Variants in CSPP1 observed in about 807,000 individuals in gnomAD.
The protein encoded by CSPP1 is centrosome and spindle pole-associated protein 1.
CSPP1 carries 126 observed loss-of-function variants against 164.4 expected under a neutral mutation model. The ratio of observed to expected loss-of-function variants is 0.77; its 90% CI spans 0.66 to 0.89. CSPP1 has a LOEUF of 0.89. Ranked by LOEUF, CSPP1 falls within the 40% of genes least tolerant of loss-of-function variation. The pLI is 0.00. For missense variants in CSPP1, 1,395 were observed against 1,449.8 expected (o/e 0.96, Z 0.61); for synonymous variants, 472 against 476.7 (o/e 0.99, Z 0.13).
In CSPP1 at chr8:67,159,850, CTTTTTCTT is replaced by C. The variant is rs1318877630; in HGVS notation, c.2538+715_2538+722del. Among the ~76,000 whole-genome samples, 126 of 91,642 alleles carry C rather than the reference CTTTTTCTT, an allele frequency of 1.4e-3. 7 individuals are homozygous for C. The highest frequency in any genetic ancestry group is 8.4e-3 in the East Asian group (31 of 3,712). 60.1% of individuals were successfully genotyped at this position (91,642 alleles called of 152,430 possible). A position where few individuals can be genotyped will look rare whatever the true frequency, so the allele number is the denominator to read the frequency against. ...TCTCTCTTTCTTTCTTTCTTTCTTT[CTTTTTCTT>C]TCTTTCTTTCTTTCTTTCTTTCTTT... On this transcript the variant is annotated intron_variant, in intron 21 of 30. Coordinates refer to ENST00000678616, the MANE Select transcript of CSPP1 (RefSeq NM_001382391.1).
intron 24 of CSPP1, among the ~76,000 whole-genome samples, chr8:67,169,717 G>T (rs1057305727): frequency 1.3e-5 from 2 of 151,998 alleles, no homozygotes; most frequent in African/African-American, 4.8e-5. Context: ...TGGGATTACA[G>T]GTGTGAGCCA....
chr8:67,126,366 T>C (rs1412986168), intron 15 of CSPP1, among the ~76,000 whole-genome samples: 1 of 152,226 alleles, frequency 6.6e-6, no homozygotes, highest in Non-Finnish European at 1.5e-5. Context: ...AATTAGATTC[T>C]CCTCCTCCTT....
intron 1 of CSPP1, chr8:67,065,071 G>C (rs1432957132): frequency 6.5e-6 from 1 of 153,376 alleles, no homozygotes; most frequent in Non-Finnish European, 1.5e-5. Flanking sequence ...AAGCCTCCCC[G>C]AGCGCCTTTC....
chr8:67,171,087 AT>A (rs765450150), intron 24 of CSPP1, among the ~76,000 whole-genome samples: 3,495 of 120,760 alleles, frequency 0.029, 56 homozygotes, highest in South Asian at 0.053. Flanking sequence ...TGCCCGGCCA[AT>A]TTTTTTTTTT....
At chr8:67,145,204 T>C (rs893946699) in intron 17 of CSPP1, among the ~76,000 whole-genome samples, 1 of 152,198 alleles carries the variant, frequency 6.6e-6, no homozygotes, top group African/African-American at 2.4e-5. Context: ...ATTTGAATCA[T>C]TCAAGGAAAT....
intron 13 of CSPP1, among the ~76,000 whole-genome samples, chr8:67,117,101 G>A (rs1047643484): frequency 6.6e-6 from 1 of 152,164 alleles, no homozygotes; most frequent in African/African-American, 2.4e-5. Flanking sequence ...TTTCTCATTT[G>A]TAAAAGTGGA....
intron 8 of CSPP1, among the ~76,000 whole-genome samples, chr8:67,105,625 C>G (rs1432393953): frequency 6.6e-6 from 1 of 152,058 alleles, no homozygotes; most frequent in African/African-American, 2.4e-5. Flanking sequence ...CTCAGGCAAT[C>G]CACCCACGTA....
intron 24 of CSPP1, among the ~76,000 whole-genome samples, chr8:67,172,008 C>T (rs1830561210): frequency 6.6e-6 from 1 of 151,720 alleles, no homozygotes; most frequent in Non-Finnish European, 1.5e-5. Context: ...CCATCACACC[C>T]AGCTAATTTT....
At chr8:67,071,374 GTT>G (rs561318240) in intron 1 of CSPP1, among the ~76,000 whole-genome samples, 1 of 132,416 alleles carries the variant, frequency 7.6e-6, no homozygotes, top group Non-Finnish European at 1.6e-5. Context: ...TATTCCCTCT[GTT>G]TTTTTTTTTT....
intron 18 of CSPP1, 106 bp downstream of exon 18, chr8:67,150,041 G>T: frequency 8.3e-7 from 1 of 1,203,444 alleles, no homozygotes. Flanking sequence ...TGAGAATTTG[G>T]CTATCCTGAT....
At chr8:67,132,139 T>A in intron 16 of CSPP1, 59 bp downstream of exon 16, 1 of 1,506,264 alleles carries the variant, frequency 6.6e-7, no homozygotes, top group Non-Finnish European at 9.0e-7. Flanking sequence ...TGGTGGTCCC[T>A]TAGAGCTCAG....
intron 30 of CSPP1, among the ~76,000 whole-genome samples, chr8:67,194,574 T>C (rs985925711): frequency 1.1e-4 from 16 of 152,168 alleles, no homozygotes; most frequent in African/African-American, 3.9e-4. Flanking sequence ...AAGAATCTTT[T>C]TCAGAAGGTT....
rs1823492419 is a variant in CSPP1 at position 67,141,528 on chromosome 8, T to G, written c.1975+3925T>G. On this transcript the variant is annotated intron_variant, in intron 17 of 30. Transcript: ENST00000678616. ...ATGTGGATGCTACATTTTATCTTTA[T>G]TTTTATTTTTTGAGATGGAGTTTCG... Among the ~76,000 whole-genome samples the G allele has an allele frequency of 5.9e-5, 9 of 152,278 alleles. No homozygotes were observed. The South Asian group carries it at 1.7e-3, about 28-fold the overall frequency.
In CSPP1 at chr8:67,172,398, T is replaced by C; in HGVS notation, c.2829-18T>C. ...TTTTCCTGTGAAGCACATATTATGATTTGTCATTTATCTATAGGAAAAAGG... is the reference window on the plus strand; with the variant it reads ...TTTTCCTGTGAAGCACATATTATGACTTGTCATTTATCTATAGGAAAAAGG... On this transcript the variant is annotated intron_variant, in intron 24 of 30. Coordinates refer to ENST00000678616, the MANE Select transcript of CSPP1 (RefSeq NM_001382391.1). The C allele has an allele frequency of 6.3e-7, 1 of 1,598,224 alleles. No individual in the cohort carries two copies. Among genetic ancestry groups the C allele is most frequent in the East Asian group, 2.2e-5 (1 of 44,750 alleles).
chr8:67,132,464 G>C (rs1311221405), intron 16 of CSPP1, among the ~76,000 whole-genome samples: 1 of 152,206 alleles, frequency 6.6e-6, no homozygotes, highest in Non-Finnish European at 1.5e-5. Context: ...GCAGCTGAAG[G>C]AAGGAAATTT....
At chr8:67,138,175 T>G (rs1170629158) in intron 17 of CSPP1, among the ~76,000 whole-genome samples, 1 of 152,204 alleles carries the variant, frequency 6.6e-6, no homozygotes, top group Non-Finnish European at 1.5e-5. Context: ...AACAAATACT[T>G]CGAAAGAGTG....
chr8:67,125,006 A>G (rs190597331), intron 15 of CSPP1, among the ~76,000 whole-genome samples: 1 of 152,194 alleles, frequency 6.6e-6, no homozygotes, highest in African/African-American at 2.4e-5. Context: ...GAGAAGAATA[A>G]AGTTACAAAC....
rs757287011 is a variant in CSPP1 at position 67,149,882 on chromosome 8, A to G, written c.2075A>G (p.Asn692Ser). Residue 692 changes from asparagine to serine, a missense_variant, in exon 18 of 31, where the codon AAT (asparagine) becomes AGT (serine). Coordinates refer to ENST00000678616, the MANE Select transcript of CSPP1 (RefSeq NM_001382391.1). ...AGGGCTGTTGTATCTCTAGACCCAA[A>G]TTTAGCCACTTCAAATGCTGAGAAC... ...DKRAVVSLDPNLATSNAENLE... is the reference protein window; with the variant it reads ...DKRAVVSLDPSLATSNAENLE... 6.2e-7 allele frequency: 1 copy of G among 1,605,850 alleles called. No homozygotes were observed. The highest frequency in any genetic ancestry group is 1.7e-5 in the Admixed American group (1 of 58,842).
In CSPP1 at chr8:67,118,249, A is replaced by T. The variant is rs1818314375; in HGVS notation, c.1498A>T (p.Ile500Phe). 6.2e-7 allele frequency: 1 copy of T among 1,613,360 alleles called. No homozygotes were observed. Residue 500 changes from isoleucine to phenylalanine, a missense_variant and splice_region_variant, in exon 14 of 31, where the codon ATT (isoleucine) becomes TTT (phenylalanine). Physicochemically the swap from Ile to Phe is conservative, Grantham distance 21. Coordinates refer to ENST00000678616, the MANE Select transcript of CSPP1 (RefSeq NM_001382391.1). Reference sequence around the variant, plus strand: ...TTTTTCATCTTTCTTTTCATACAGGATTGCACCTCTGCCTCCACCTCCCCT... The same window carrying T: ...TTTTTCATCTTTCTTTTCATACAGGTTTGCACCTCTGCCTCCACCTCCCCT... ...SALGEMVSPR[I>F]APLPPPPLLP...
Sources: gnomAD v4.1 joint callset for allele counts (sites outside exome capture counted in the v4.1 genomes callset) on GRCh38, gnomAD v4.1.1 for gene constraint, MANE v1.5 for transcripts, NCBI Gene and HGNC (gene_info 2026-07-23, HGNC 2026-07-21) for gene names.